The following SAR1A variants were observed in gnomAD, a reference collection of about 807,000 sequenced individuals.
The protein encoded by SAR1A is small COPII coat GTPase SAR1A.
SAR1A carries 6 observed loss-of-function variants against 22.6 expected under a neutral mutation model. The ratio of observed to expected loss-of-function variants is 0.27; its 90% CI spans 0.15 to 0.52. The LOEUF (loss-of-function observed/expected upper bound fraction) is 0.52. Among genes scored for constraint, SAR1A ranks in the 20% least tolerant of loss-of-function variants. The probability of loss-of-function intolerance (pLI) is 0.96; values close to 1 mark genes in which losing one functional copy is unlikely to be tolerated. For missense variants in SAR1A, 145 were observed against 245.1 expected, an observed-to-expected ratio of 0.59 and a Z score of 2.73; for synonymous variants, 70 against 82.2, an observed-to-expected ratio of 0.85 and a Z score of 0.80.
intron 1 of SAR1A, chr10:70,162,689 C>T (rs1297281093): frequency 6.6e-6 from 1 of 152,052 alleles, no homozygotes; most frequent in African/African-American, 2.4e-5. Flanking sequence ...TAAAGGCATA[C>T]CTCATTTGAT....
intron 5 of SAR1A, chr10:70,155,131 G>A (rs1207438317): frequency 3.8e-6 from 2 of 524,646 alleles, no homozygotes; most frequent in Admixed American, 2.0e-5. Flanking sequence ...TATCCTAAAA[G>A]ACCACAAATC....
At chr10:70,159,552 G>A (rs1298244197) in intron 4 of SAR1A, among the ~76,000 whole-genome samples, 6 of 152,052 alleles carry the variant, frequency 3.9e-5, no homozygotes, top group Non-Finnish European at 8.8e-5. Context: ...TGGGAGGATT[G>A]CTTGAGCCCA....
rs1055992342 is a variant in SAR1A at position 70,150,007 on chromosome 10, C to T, written c.*2469G>A. On this transcript the variant is annotated 3_prime_UTR_variant, in exon 7 of 7. Coordinates refer to ENST00000373241, the MANE Select transcript of SAR1A (RefSeq NM_020150.5). ...GGTCCACAGCATGTTCCAAATCTCT[C>T]AAGTAGTACTAAATCTATTACTTCT... 2 of 152,118 alleles carry T rather than the reference C, an allele frequency of 1.3e-5. No individual in the cohort carries two copies. The highest frequency in any genetic ancestry group is 2.9e-5 in the Non-Finnish European group (2 of 68,012). The allele number at this position is 152,118 out of a possible 1,614,324, so 9.4% of individuals were successfully genotyped here. A position where few individuals can be genotyped will look rare whatever the true frequency, so the allele number is the denominator to read the frequency against.
At chr10:70,155,895 G>A (rs573775629) in intron 5 of SAR1A, among the ~76,000 whole-genome samples, 5 of 152,312 alleles carry the variant, frequency 3.3e-5, no homozygotes, top group African/African-American at 1.2e-4. Context: ...GATCCTATGT[G>A]CTATGCAAAA....
At chr10:70,165,836 C>G (rs753896066) in intron 1 of SAR1A, among the ~76,000 whole-genome samples, 4 of 152,198 alleles carry the variant, frequency 2.6e-5, no homozygotes, top group Non-Finnish European at 4.4e-5. Flanking sequence ...AACAGCATTG[C>G]ATGCTACAGA....
chr10:70,152,448 A>C lies in SAR1A; in HGVS notation c.*28T>G, dbSNP rs369805009. 1.3e-4 allele frequency: 195 copies of C among 1,519,826 alleles called. 1 individual carries two copies. The South Asian group carries it at 2.0e-3, about 16-fold the overall frequency. 94.1% of individuals were successfully genotyped at this position (1,519,826 alleles called of 1,614,324 possible). On this transcript the variant is annotated 3_prime_UTR_variant, in exon 7 of 7. Coordinates refer to ENST00000373241, the MANE Select transcript of SAR1A (RefSeq NM_020150.5). ...TGAATAGGATCAGTCCAGAGAAGTA[A>C]AACTCTTTTATTTTCACCGTCCAAA...
rs1428978493 is a variant in SAR1A, at chr10:70,151,575, G to A, written c.*901C>T. ...TGCAAAAGTAACTGATGCACCTGCA[G>A]TATGTGACACGAGAGATGTTCTCAA... On this transcript the variant is annotated 3_prime_UTR_variant, in exon 7 of 7. Transcript: ENST00000373241. 1.3e-5 allele frequency: 2 copies of A among 152,578 alleles called. No individual in the cohort carries two copies. The highest frequency in any genetic ancestry group is 2.9e-5 in the Non-Finnish European group (2 of 68,032). The allele number at this position is 152,578 out of a possible 1,614,324, so 9.5% of individuals were successfully genotyped here.
chr10:70,152,070 G>A lies in SAR1A; in HGVS notation c.*406C>T. Reference sequence around the variant, plus strand: ...AAAAAAAAAAGAATAGAAAACTCTGGACCAAGTAAATTGTGAACTCAAAAA... The same window carrying A: ...AAAAAAAAAAGAATAGAAAACTCTGAACCAAGTAAATTGTGAACTCAAAAA... On this transcript the variant is annotated 3_prime_UTR_variant, in exon 7 of 7. Transcript: ENST00000373241. The A allele has an allele frequency of 4.4e-6, 1 of 226,344 alleles. No individual in the cohort carries two copies. The highest frequency in any genetic ancestry group is 5.7e-5 in the South Asian group (1 of 17,476). 14.0% of individuals were successfully genotyped at this position (226,344 alleles called of 1,614,324 possible).
In SAR1A at chr10:70,149,540, T is replaced by G. The variant is rs553112067; in HGVS notation, c.*2936A>C. 4.0e-5 allele frequency: 5 copies of G among 125,748 alleles called. No homozygotes were observed. In the South Asian group the frequency reaches 1.3e-3, roughly 33 times the overall value. 7.8% of individuals were successfully genotyped at this position (125,748 alleles called of 1,614,324 possible). Reference sequence around the variant, plus strand: ...TTTCTCATTTTGCCAAATGTAGCATTTAATTGATTTTTTTTTTTTTTTTTT... The same window carrying G: ...TTTCTCATTTTGCCAAATGTAGCATGTAATTGATTTTTTTTTTTTTTTTTT... On this transcript the variant is annotated 3_prime_UTR_variant, in exon 7 of 7. Coordinates refer to ENST00000373241, the MANE Select transcript of SAR1A (RefSeq NM_020150.5).
At chr10:70,156,605 G>A (rs1310056910) in intron 5 of SAR1A, among the ~76,000 whole-genome samples, 2 of 151,536 alleles carry the variant, frequency 1.3e-5, no homozygotes, top group Admixed American at 6.6e-5. Context: ...CCAGAAGTCT[G>A]GAGGTTACAG....
In SAR1A at chr10:70,149,114, A is replaced by T. The variant is rs1839297472; in HGVS notation, c.*3362T>A. 1 of 152,262 alleles carries T rather than the reference A, an allele frequency of 6.6e-6. No homozygotes were observed. The highest frequency in any genetic ancestry group is 2.1e-4 in the South Asian group (1 of 4,822). 9.4% of individuals were successfully genotyped at this position (152,262 alleles called of 1,614,324 possible). ...TTTTATTTTTTTTGAGATGGGAGTC[A>T]CCCAGGCTGGAGTGCAGTGGCGCGA... On this transcript the variant is annotated 3_prime_UTR_variant, in exon 7 of 7. Transcript: ENST00000373241.
intron 3 of SAR1A, 127 bp downstream of exon 3, chr10:70,161,492 A>T: frequency 9.6e-7 from 1 of 1,043,076 alleles, no homozygotes; most frequent in Non-Finnish European, 1.4e-6. Context: ...CTTACAGGGA[A>T]CTTTCTCGTA....
At chr10:70,157,064 T>C (rs372415038) in intron 5 of SAR1A, among the ~76,000 whole-genome samples, 32 of 152,286 alleles carry the variant, frequency 2.1e-4, no homozygotes, top group East Asian at 1.5e-3. Flanking sequence ...TAAAGAACTC[T>C]AATATCGCTT....
At position 70,160,999 on chromosome 10, in the gene SAR1A, C is replaced by T. The variant is rs1163290262; in HGVS notation, c.244+5G>A. On this transcript the variant is annotated splice_donor_5th_base_variant and intron_variant, in intron 4 of 6. Coordinates refer to ENST00000373241, the MANE Select transcript of SAR1A (RefSeq NM_020150.5). ...AAACATGCTTTCCACTGAGTCATCACTTACCTTGCTCGTGCCCACCAAGAT... is the reference window on the plus strand; with the variant it reads ...AAACATGCTTTCCACTGAGTCATCATTTACCTTGCTCGTGCCCACCAAGAT... The T allele has an allele frequency of 6.2e-7, 1 of 1,610,118 alleles. No individual in the cohort carries two copies. The highest frequency in any genetic ancestry group is 1.7e-5 in the Admixed American group (1 of 59,720).
In SAR1A at chr10:70,149,412, T is replaced by C. The variant is rs894476316; in HGVS notation, c.*3064A>G. 4.6e-5 allele frequency: 7 copies of C among 152,054 alleles called. No homozygotes were observed. Among genetic ancestry groups the C allele is most frequent in the African/African-American group, 1.2e-4 (5 of 41,382 alleles). The allele number at this position is 152,054 out of a possible 1,614,324, so 9.4% of individuals were successfully genotyped here. A position where few individuals can be genotyped will look rare whatever the true frequency, so the allele number is the denominator to read the frequency against. On this transcript the variant is annotated 3_prime_UTR_variant, in exon 7 of 7. Coordinates refer to ENST00000373241, the MANE Select transcript of SAR1A (RefSeq NM_020150.5). ...TTAATACTTGGTTGAAAAGAACCCATTGCACTGTTTCCCACTGTTTGTCCC... is the reference window on the plus strand; with the variant it reads ...TTAATACTTGGTTGAAAAGAACCCACTGCACTGTTTCCCACTGTTTGTCCC...
intron 4 of SAR1A, among the ~76,000 whole-genome samples, chr10:70,158,161 A>G (rs922101223): frequency 2.6e-5 from 4 of 152,242 alleles, no homozygotes; most frequent in Non-Finnish European, 4.4e-5. Flanking sequence ...GCAGGAACTA[A>G]GCAGTGGCTG....
In SAR1A at chr10:70,152,457, T is replaced by C; in HGVS notation, c.*19A>G. 6.4e-7 allele frequency: 1 copy of C among 1,565,702 alleles called. No individual in the cohort carries two copies. ...TCAGTCCAGAGAAGTAAAACTCTTT[T>C]ATTTTCACCGTCCAAACATCAGTCA... is the stretch of plus-strand genomic sequence containing the variant. On this transcript the variant is annotated 3_prime_UTR_variant, in exon 7 of 7. Transcript: ENST00000373241.
chr10:70,153,968 G>C lies in SAR1A; in HGVS notation c.350C>G (p.Ala117Gly). The change falls in exon 6 of 7, where the codon GCT becomes GGT. Residue 117 changes from alanine to glycine, a missense_variant and splice_region_variant. By Grantham distance (60) the Ala-to-Gly change is moderately conservative. Transcript: ENST00000373241. ...RLVESKVELN[A>G]LMTDETISNV... ...GGATATTGTTTCATCAGTCATTAAA[G>C]CCTAAAGATTGAAAAAAAAGAAAAA... is the stretch of plus-strand genomic sequence containing the variant. 1 of 1,557,686 alleles carries C rather than the reference G, an allele frequency of 6.4e-7. No individual in the cohort carries two copies. The highest frequency in any genetic ancestry group is 8.6e-7 in the Non-Finnish European group (1 of 1,159,152).
intron 3 of SAR1A, 107 bp from the exon 4 acceptor site, chr10:70,161,176 C>T (rs1334834030): frequency 1.2e-6 from 1 of 856,408 alleles, no homozygotes; most frequent in African/African-American, 1.7e-5. Flanking sequence ...GAAAAAGATA[C>T]AAGAAGTTGA....
Sources: gnomAD v4.1 joint callset for allele counts (sites outside exome capture counted in the v4.1 genomes callset) on GRCh38, gnomAD v4.1.1 for gene constraint, MANE v1.5 for transcripts, NCBI Gene and HGNC (gene_info 2026-07-23, HGNC 2026-07-21) for gene names.